The following RPH3AL variants were observed in gnomAD, a reference collection of about 807,000 sequenced individuals.
RPH3AL encodes the protein rabphilin 3A like (without C2 domains), also known as rab effector Noc2.
Under a neutral mutation model 43.1 loss-of-function variants are expected in RPH3AL, and 38 were observed. The observed-to-expected ratio is 0.88, with a 90% CI of 0.68 to 1.15. The LOEUF (loss-of-function observed/expected upper bound fraction) is 1.15. Among genes scored for constraint, RPH3AL ranks in the 50% most tolerant of loss-of-function variants. The pLI is 0.00. For missense variants in RPH3AL, 462 were observed against 423.2 expected (o/e 1.09, Z -0.81); for synonymous variants, 189 against 176.3 (o/e 1.07, Z -0.57).
At chr17:315,543 C>G (rs1598096346) in intron 5 of RPH3AL, among the ~76,000 whole-genome samples, 1 of 152,086 alleles carries the variant, frequency 6.6e-6, no homozygotes. Context: ...CTCCCACCTC[C>G]ATTGACCTGT....
intron 5 of RPH3AL, among the ~76,000 whole-genome samples, chr17:314,897 ACCTCCATTGACCAGTAGTCCCTGTG>A (rs1210203635): frequency 1.5e-4 from 20 of 132,588 alleles, no homozygotes; most frequent in African/African-American, 5.8e-4. Flanking sequence ...TCTGTGCTCC[ACCTCCATTGACCAGTAGTCCCTGTG>A]CCCCACCTCC....
chr17:293,557 C>T (rs2043096729), intron 5 of RPH3AL, among the ~76,000 whole-genome samples: 1 of 152,084 alleles, frequency 6.6e-6, no homozygotes, highest in East Asian at 1.9e-4. Flanking sequence ...CCCCTCAGTC[C>T]CAGAGAGGTT....
rs1378138845 is a variant in RPH3AL at position 321,564 on chromosome 17, CCCAGGTGGCAACAGAGAT to C, written c.78-167_78-150del. 18 of 701,088 alleles carry C rather than the reference CCCAGGTGGCAACAGAGAT, an allele frequency of 2.6e-5. 1 individual carries two copies. The highest frequency in any genetic ancestry group is 7.9e-5 in the African/African-American group (3 of 37,752). 43.4% of individuals were successfully genotyped at this position (701,088 alleles called of 1,614,324 possible). ...CGACGAGCGCGGGCAGCAGAGATGG[CCCAGGTGGCAACAGAGAT>C]GGCCCAGGTGGCAACAGAGACGGCC... On this transcript the variant is annotated intron_variant, in intron 3 of 9. Coordinates refer to ENST00000331302, the MANE Select transcript of RPH3AL (RefSeq NM_006987.4).
intron 6 of RPH3AL, among the ~76,000 whole-genome samples, chr17:280,342 G>A (rs7208824): frequency 0.33 from 49,776 of 151,632 alleles, 8,743 homozygotes; most frequent in East Asian, 0.71. Flanking sequence ...GACCTGCCCC[G>A]GGACTATAAC....
At chr17:292,853 C>A (rs1448129271) in intron 5 of RPH3AL, among the ~76,000 whole-genome samples, 3 of 152,256 alleles carry the variant, frequency 2.0e-5, no homozygotes, top group Non-Finnish European at 4.4e-5. Flanking sequence ...CTGGACCTTA[C>A]CCCGACTACC....
intron 7 of RPH3AL, among the ~76,000 whole-genome samples, chr17:236,031 C>CACACTAACAAGACGG (rs1567571960): frequency 3.5e-5 from 4 of 115,390 alleles, no homozygotes; most frequent in African/African-American, 1.3e-4. Flanking sequence ...GCGGTGGCTC[C>CACACTAACAAGACGG]GTACTAACAA....
In RPH3AL at chr17:274,987, G is replaced by A. The variant is rs962747770; in HGVS notation, c.438+6781C>T. The stretch of plus-strand genomic sequence containing the variant: ...GAACAGAATCGAAACTTACACCGGA[G>A]GGGAAAGAGCAGACGTGGTCACGGA... On this transcript the variant is annotated intron_variant, in intron 6 of 9. Coordinates refer to ENST00000331302, the MANE Select transcript of RPH3AL (RefSeq NM_006987.4). The surrounding 1 kb of genome is among the most constrained non-coding windows in gnomAD (Gnocchi z 4.7). Among the ~76,000 whole-genome samples the A allele has an allele frequency of 2.0e-5, 3 of 152,220 alleles. No homozygotes were observed. Among genetic ancestry groups the A allele is most frequent in the Non-Finnish European group, 4.4e-5 (3 of 68,044 alleles).
At chr17:338,717 G>C (rs2045028752) in intron 1 of RPH3AL, 1 of 152,200 alleles carries the variant, frequency 6.6e-6, no homozygotes, top group African/African-American at 2.4e-5. Flanking sequence ...GATGTATGTG[G>C]GTCTGGAAAG....
chr17:289,712 G>A lies in RPH3AL; in HGVS notation c.352-7858C>T, dbSNP rs1035081202. On this transcript the variant is annotated intron_variant, in intron 5 of 9. Transcript: ENST00000331302. This position sits in a 1 kb window ranked among gnomAD's most constrained non-coding sequence, Gnocchi z 5.2. ...AGCCCCGACCCTCTGAGCTCCAGCC[G>A]TGTGGGCCGTTTGTCAGCCCCTGGT... Among the ~76,000 whole-genome samples, 10 of 152,162 alleles carry A rather than the reference G, an allele frequency of 6.6e-5. No individual in the cohort carries two copies. Among genetic ancestry groups the A allele is most frequent in the South Asian group, 2.1e-4 (1 of 4,826 alleles).
At chr17:223,257 C>T (rs756204945) in intron 7 of RPH3AL, among the ~76,000 whole-genome samples, 45 of 152,062 alleles carry the variant, frequency 3.0e-4, no homozygotes, top group Non-Finnish European at 5.6e-4. Context: ...TCTTTTCTGC[C>T]TCTTTCCATC....
At position 219,652 on chromosome 17, in the gene RPH3AL, C is replaced by T. The variant is rs375573295; in HGVS notation, c.698G>A (p.Arg233Gln). 2.4e-5 allele frequency: 39 copies of T among 1,612,166 alleles called. No individual in the cohort carries two copies. The highest frequency in any genetic ancestry group is 1.6e-4 in the Middle Eastern group (1 of 6,082). Residue 233 changes from arginine to glutamine, a missense_variant, in exon 8 of 10, where the codon CGG becomes CAG. Coordinates refer to ENST00000331302, the MANE Select transcript of RPH3AL (RefSeq NM_006987.4). ...DRLPSTGVRD[R>Q]KGDKPWKESG... ...CTCCTTCCAGGGTTTGTCGCCTTTC[C>T]GGTCCCTGACCCCAGTGGATGGGAG...
At chr17:251,808 G>T (rs1159667176) in intron 6 of RPH3AL, among the ~76,000 whole-genome samples, 3 of 152,180 alleles carry the variant, frequency 2.0e-5, no homozygotes, top group Non-Finnish European at 4.4e-5. Context: ...TGCTCATCCT[G>T]CCCTGAGCAC....
intron 7 of RPH3AL, among the ~76,000 whole-genome samples, chr17:244,212 C>T (rs2041684971): frequency 6.6e-6 from 1 of 151,026 alleles, no homozygotes; most frequent in Non-Finnish European, 1.5e-5. Context: ...TATTGATCAC[C>T]TTCCTCTATT....
At position 289,410 on chromosome 17, in the gene RPH3AL, C is replaced by T. The variant is rs113863490; in HGVS notation, c.352-7556G>A. On this transcript the variant is annotated intron_variant, in intron 5 of 9. Coordinates refer to ENST00000331302, the MANE Select transcript of RPH3AL (RefSeq NM_006987.4). The surrounding 1 kb of genome is among the most constrained non-coding windows in gnomAD (Gnocchi z 5.2). ...CCAAGAACTCAAATCTCTCTCCAAC[C>T]TCTCAATTCCCCTTCAGCCCCGTCC... Among the ~76,000 whole-genome samples, 123 of 152,240 alleles carry T rather than the reference C, an allele frequency of 8.1e-4. 1 individual carries two copies. Among genetic ancestry groups the T allele is most frequent in the African/African-American group, 2.6e-3 (110 of 41,544 alleles).
At chr17:265,867 G>A (rs2042307839) in intron 6 of RPH3AL, among the ~76,000 whole-genome samples, 1 of 152,138 alleles carries the variant, frequency 6.6e-6, no homozygotes, top group African/African-American at 2.4e-5. Flanking sequence ...GAGTGTTCAC[G>A]CCTCGCCTTT....
chr17:261,076 C>T (rs559590535), intron 6 of RPH3AL, among the ~76,000 whole-genome samples: 14 of 152,294 alleles, frequency 9.2e-5, no homozygotes, highest in South Asian at 4.1e-4. Flanking sequence ...GCAGAGTGCC[C>T]GGCAGGTGCC....
chr17:342,347 G>A (rs12940897), intron 1 of RPH3AL, among the ~76,000 whole-genome samples: 47,325 of 152,008 alleles, frequency 0.31, 8,612 homozygotes, highest in Middle Eastern at 0.43. Context: ...CAACAATTTC[G>A]CTCCCAGGTA....
chr17:213,888 G>A lies in RPH3AL; in HGVS notation c.912C>T (p.Asp304=), dbSNP rs374756503. Residue 304 remains aspartate (D), a synonymous_variant, in exon 10 of 10, where the codon GAC becomes GAT. Transcript: ENST00000331302. ...AGCTGGAGGGGCCTGCTGGAGCTGC[G>A]TCAGCAGCGGGGGCTCGTCCAGGTG... ...KDTPGRAPAA[D]AAPAGPSSCL... 1.8e-5 allele frequency: 29 copies of A among 1,613,760 alleles called. No homozygotes were observed. Among genetic ancestry groups the A allele is most frequent in the Middle Eastern group, 1.7e-4 (1 of 5,920 alleles).
rs1218140452 is a variant in RPH3AL, at chr17:321,303, G to A, written c.190C>T (p.Arg64Trp). ...AILQVIQRAE[R>W]LDVLEQQRIG... Reference sequence around the variant, plus strand: ...CTCTGCTGCTCCAGGACGTCGAGCCGCTCTGCCCTCTGGATGACCTGCAGG... The same window carrying A: ...CTCTGCTGCTCCAGGACGTCGAGCCACTCTGCCCTCTGGATGACCTGCAGG... The change falls in exon 4 of 10, where the codon CGG (arginine) becomes TGG (tryptophan). Residue 64 changes from arginine (R) to tryptophan (W), a missense_variant. By Grantham distance (101) the Arg-to-Trp change is moderately radical (BLOSUM62 -3). Coordinates refer to ENST00000331302, the MANE Select transcript of RPH3AL (RefSeq NM_006987.4). The A allele has an allele frequency of 1.6e-5, 26 of 1,610,128 alleles. No homozygotes were observed. The highest frequency in any genetic ancestry group is 2.0e-5 in the Non-Finnish European group (24 of 1,179,880).
Sources: gnomAD v4.1 joint callset for allele counts (sites outside exome capture counted in the v4.1 genomes callset) on GRCh38, gnomAD v4.1.1 for gene constraint, Gnocchi (gnomAD v3.1) non-coding constraint, MANE v1.5 for transcripts, NCBI Gene and HGNC (gene_info 2026-07-23, HGNC 2026-07-21) for gene names.